RAB40B: variants seen among roughly 807,000 people sequenced by gnomAD.
RAB40B encodes the protein RAB40B, member RAS oncogene family.
In RAB40B, 21 loss-of-function variants were observed where a neutral mutation model predicts 24.0. That is an observed-to-expected ratio of 0.88 (90% CI 0.62 to 1.26). The LOEUF is 1.26. Among genes scored for constraint, RAB40B ranks in the 50% most tolerant of loss-of-function variants. The probability of loss-of-function intolerance (pLI) is 0.00; values close to 1 mark genes in which losing one functional copy is unlikely to be tolerated. For missense variants in RAB40B, 348 were observed against 390.5 expected (o/e 0.89, Z 0.92); for synonymous variants, 167 against 169.8 (o/e 0.98, Z 0.13).
At chr17:82,691,669 G>A (rs986226013) in intron 1 of RAB40B, among the ~76,000 whole-genome samples, 12 of 152,128 alleles carry the variant, frequency 7.9e-5, no homozygotes, top group South Asian at 2.1e-4. Context: ...GCGACAGAGC[G>A]AGACTCCATC....
In RAB40B at chr17:82,678,570, C is replaced by A. The variant is rs1017223372; in HGVS notation, c.143-14014G>T. On this transcript the variant is annotated intron_variant, in intron 1 of 5. Transcript: ENST00000571995. ...TAAGTGGCATAACCGCCTTCACAAG[C>A]GAGGATCTGTTGATGGTGCAAATAT... Among the ~76,000 whole-genome samples, 9 of 152,320 alleles carry A rather than the reference C, an allele frequency of 5.9e-5. No individual in the cohort carries two copies. The East Asian group carries it at 1.5e-3, about 26-fold the overall frequency.
In RAB40B at chr17:82,667,052, G is replaced by A. The variant is rs2046266775; in HGVS notation, c.143-2496C>T. 6.6e-6 allele frequency among the ~76,000 whole-genome samples: 1 copy of A among 152,232 alleles called. No homozygotes were observed. Among genetic ancestry groups the A allele is most frequent in the African/African-American group, 2.4e-5 (1 of 41,466 alleles). ...ACCTCACCCTGGAGACCGTCGTGGAGCACACGGCCTCTGCAGCTCTCCTTC... is the reference window on the plus strand; with the variant it reads ...ACCTCACCCTGGAGACCGTCGTGGAACACACGGCCTCTGCAGCTCTCCTTC... On this transcript the variant is annotated intron_variant, in intron 1 of 5. Transcript: ENST00000571995. The surrounding 1 kb of genome is among the most constrained non-coding windows in gnomAD (Gnocchi z 4.3).
intron 1 of RAB40B, among the ~76,000 whole-genome samples, chr17:82,677,538 G>A (rs114038357): frequency 1.6e-3 from 240 of 152,268 alleles, no homozygotes; most frequent in African/African-American, 5.4e-3. Context: ...GCCCAGAGGC[G>A]GCCTGTGTTG....
At chr17:82,685,241 AGGGAGG>A (rs2046486774) in intron 1 of RAB40B, among the ~76,000 whole-genome samples, 1 of 26,050 alleles carries the variant, frequency 3.8e-5, no homozygotes, top group Admixed American at 4.8e-4. Flanking sequence ...AGGACGGAGG[AGGGAGG>A]GGGAGGGGGA....
At chr17:82,676,293 C>G (rs1267655879) in intron 1 of RAB40B, among the ~76,000 whole-genome samples, 1 of 119,322 alleles carries the variant, frequency 8.4e-6, no homozygotes, top group Non-Finnish European at 2.1e-5. Context: ...CACCCCTCAC[C>G]TTCAACAGCC....
At chr17:82,683,780 G>C (rs1266331638) in intron 1 of RAB40B, among the ~76,000 whole-genome samples, 1 of 142,220 alleles carries the variant, frequency 7.0e-6, no homozygotes, top group Non-Finnish European at 1.5e-5. Context: ...ACTCCAGCCT[G>C]GGCAACAGAG....
chr17:82,660,325 C>A (rs1308696018), intron 3 of RAB40B, among the ~76,000 whole-genome samples: 4 of 151,894 alleles, frequency 2.6e-5, no homozygotes, highest in Admixed American at 6.6e-5. Flanking sequence ...CAGACTCATA[C>A]ACAGGGCACG....
chr17:82,656,243 G>T lies in RAB40B; in HGVS notation c.*1620C>A, dbSNP rs1484455709. On this transcript the variant is annotated 3_prime_UTR_variant, in exon 6 of 6. Coordinates refer to ENST00000571995, the MANE Select transcript of RAB40B (RefSeq NM_006822.3). ...TTACAGGTGTGAGCCATCACACCCA[G>T]CTGGGTCCCTTAAGTTTCTAAGAAT... 1 of 152,156 alleles carries T rather than the reference G, an allele frequency of 6.6e-6. No homozygotes were observed. Among genetic ancestry groups the T allele is most frequent in the Admixed American group, 6.6e-5 (1 of 15,264 alleles). 9.4% of individuals were successfully genotyped at this position (152,156 alleles called of 1,614,324 possible). A position where few individuals can be genotyped will look rare whatever the true frequency, so the allele number is the denominator to read the frequency against.
rs1435201252 is a variant in RAB40B at position 82,667,344 on chromosome 17, C to CT, written c.143-2789dup. The stretch of plus-strand genomic sequence containing the variant: ...TGGTCGCCCACATCTTCAGGCAGGC[C>CT]TGGGCGTTGCAGCAGCTCTGGGCCT... On this transcript the variant is annotated intron_variant, in intron 1 of 5. Coordinates refer to ENST00000571995, the MANE Select transcript of RAB40B (RefSeq NM_006822.3). The surrounding 1 kb of genome is among the most constrained non-coding windows in gnomAD (Gnocchi z 4.3). Among the ~76,000 whole-genome samples the CT allele has an allele frequency of 2.0e-5, 3 of 151,774 alleles. No individual in the cohort carries two copies. Among genetic ancestry groups the CT allele is most frequent in the African/African-American group, 4.8e-5 (2 of 41,570 alleles).
intron 1 of RAB40B, among the ~76,000 whole-genome samples, chr17:82,670,445 A>G (rs769557642): frequency 1.3e-5 from 2 of 152,010 alleles, no homozygotes; most frequent in African/African-American, 2.4e-5. Context: ...TTGGCCTCCC[A>G]AAGTGCTAGG....
At chr17:82,693,011 T>C (rs1189390954) in intron 1 of RAB40B, among the ~76,000 whole-genome samples, 1 of 150,830 alleles carries the variant, frequency 6.6e-6, no homozygotes, top group Non-Finnish European at 1.5e-5. Flanking sequence ...ATTTTTTTTC[T>C]TTTTTTTTGG....
chr17:82,676,279 A>AGGGCAC (rs2046392818), intron 1 of RAB40B, among the ~76,000 whole-genome samples: 1 of 115,160 alleles, frequency 8.7e-6, no homozygotes, highest in Non-Finnish European at 2.2e-5. Context: ...ACACACAGTG[A>AGGGCAC]GGGCACCCCT....
intron 1 of RAB40B, among the ~76,000 whole-genome samples, chr17:82,695,946 T>C (rs980166421): frequency 1.3e-5 from 2 of 152,104 alleles, no homozygotes; most frequent in Non-Finnish European, 1.5e-5. Context: ...GTGCGATCTC[T>C]GCAACCTCCG....
Position 82,657,994 on chromosome 17 carries a change from T to C in RAB40B, c.706A>G (p.Met236Val). ...GTGAGGGAGTAGGAACCGCCGTGCA[T>C]CATCCTGGCATTCAGGCCGTTGGCC... is the stretch of plus-strand genomic sequence containing the variant. ...SMANGLNARM[M>V]HGGSYSLTTS... Residue 236 changes from methionine to valine, a missense_variant, in exon 6 of 6, where the codon ATG becomes GTG. Around this residue, in one of 3 missense-constraint regions of RAB40B, gnomAD observed 121 missense variants for 124.0 expected, o/e 0.98. Coordinates refer to ENST00000571995, the MANE Select transcript of RAB40B (RefSeq NM_006822.3). The C allele has an allele frequency of 6.2e-7, 1 of 1,614,134 alleles. No individual in the cohort carries two copies. Among genetic ancestry groups the C allele is most frequent in the South Asian group, 1.1e-5 (1 of 91,074 alleles).
At chr17:82,687,278 T>G (rs896103554) in intron 1 of RAB40B, among the ~76,000 whole-genome samples, 4 of 152,236 alleles carry the variant, frequency 2.6e-5, no homozygotes, top group Admixed American at 2.6e-4. Flanking sequence ...ATACTCTTCA[T>G]ACTTATCTAT....
chr17:82,696,544 A>C (rs77467263), intron 1 of RAB40B: 4,461 of 163,182 alleles, frequency 0.027, 215 homozygotes, highest in African/African-American at 0.1. Context: ...CCGAGGGCAC[A>C]GTGCAGACAA....
chr17:82,669,135 C>T (rs869115718), intron 1 of RAB40B, among the ~76,000 whole-genome samples: 2 of 151,866 alleles, frequency 1.3e-5, no homozygotes, highest in Admixed American at 1.3e-4. Flanking sequence ...CCCAGGAATT[C>T]GAAACCAGCC....
At chr17:82,668,375 C>G (rs1190534308) in intron 1 of RAB40B, 1 of 154,348 alleles carries the variant, frequency 6.5e-6, no homozygotes, top group African/African-American at 2.4e-5. Context: ...CTTGAAGCTT[C>G]AAGGTGTGGC....
chr17:82,655,211 G>C lies in RAB40B; in HGVS notation c.*2652C>G, dbSNP rs571517915. On this transcript the variant is annotated 3_prime_UTR_variant, in exon 6 of 6. Coordinates refer to ENST00000571995, the MANE Select transcript of RAB40B (RefSeq NM_006822.3). The stretch of plus-strand genomic sequence containing the variant: ...TATTTTCTCGTAGCTCTGGAAGCCG[G>C]AAGTCCAAAACCAATAACTTGGCAG... The C allele has an allele frequency of 5.3e-5, 8 of 152,116 alleles. No homozygotes were observed. In the East Asian group the frequency reaches 5.8e-4, roughly 11 times the overall value. The allele number at this position is 152,116 out of a possible 1,614,324, so 9.4% of individuals were successfully genotyped here.
Sources: gnomAD v4.1 joint callset for allele counts (sites outside exome capture counted in the v4.1 genomes callset) on GRCh38, gnomAD v4.1.1 for gene constraint, gnomAD v4.1.1 regional missense constraint, Gnocchi (gnomAD v3.1) non-coding constraint, MANE v1.5 for transcripts, NCBI Gene and HGNC (gene_info 2026-07-23, HGNC 2026-07-21) for gene names.